Variants in ZC3H13 observed in about 807,000 individuals in gnomAD.
The protein encoded by ZC3H13 is zinc finger CCCH domain-containing protein 13.
A neutral mutation model predicts 204.1 loss-of-function variants in ZC3H13; 64 were observed. That is an observed-to-expected ratio of 0.31 (90% confidence interval 0.26 to 0.39). ZC3H13 has a LOEUF of 0.39. ZC3H13 is among the 10% of genes least tolerant of loss of function. The pLI is 1.00. For synonymous variants in ZC3H13, 667 were observed against 693.7 expected, an observed-to-expected ratio of 0.96 and a Z score of 0.60; for missense variants, 1,833 against 2,082.7, an observed-to-expected ratio of 0.88 and a Z score of 2.33.
At chr13:46,011,641 C>T (rs868013203) in intron 5 of ZC3H13, 87 bp from the exon 6 acceptor site, 8 of 1,073,046 alleles carry the variant, frequency 7.5e-6, no homozygotes, top group Non-Finnish European at 2.6e-6. Context: ...TAATTTCTTA[C>T]ACAAATCTAA....
intron 4 of ZC3H13, among the ~76,000 whole-genome samples, chr13:46,041,442 G>A (rs1003258874): frequency 2.6e-5 from 4 of 152,088 alleles, no homozygotes; most frequent in Admixed American, 2.6e-4. Context: ...CTGCTGAAAA[G>A]TTTGGCGTTT....
intron 5 of ZC3H13, among the ~76,000 whole-genome samples, chr13:46,019,483 G>A (rs760784900): frequency 6.6e-6 from 1 of 152,080 alleles, no homozygotes; most frequent in Non-Finnish European, 1.5e-5. Flanking sequence ...TGTAAGTAGA[G>A]TAACAAAGCT....
intron 9 of ZC3H13, among the ~76,000 whole-genome samples, chr13:45,987,397 A>C (rs571995511): frequency 1.3e-5 from 2 of 152,324 alleles, no homozygotes; most frequent in Admixed American, 1.3e-4. Flanking sequence ...GTAGTCATTA[A>C]ATATGTACTA....
At chr13:45,994,498 T>G (rs184955810) in intron 8 of ZC3H13, among the ~76,000 whole-genome samples, 5 of 152,324 alleles carry the variant, frequency 3.3e-5, no homozygotes, top group Admixed American at 3.3e-4. Context: ...AACTAATACT[T>G]TTATGAAACG....
rs1555277663 is a variant in ZC3H13 at position 45,983,413 on chromosome 13, A to ATATATAT, written c.1720+1883_1720+1884insATATATA. On this transcript the variant is annotated intron_variant, in intron 10 of 18. Coordinates refer to ENST00000679008, the MANE Select transcript of ZC3H13 (RefSeq NM_001330564.2). ...AAGCCCCTTCTACTTATATATATAT[A>ATATATAT]TTTTTTTTTTTTTTTTTTTTTTTTT... Among the ~76,000 whole-genome samples, 16 of 31,140 alleles carry ATATATAT rather than the reference A, an allele frequency of 5.1e-4. 1 individual carries two copies. The highest frequency in any genetic ancestry group is 2.1e-3 in the South Asian group (2 of 966). The allele number at this position is 31,140 out of a possible 152,430, so 20.4% of individuals were successfully genotyped here.
intron 1 of ZC3H13, among the ~76,000 whole-genome samples, chr13:46,049,899 T>C (rs1346205254): frequency 1.3e-5 from 2 of 152,176 alleles, no homozygotes; most frequent in African/African-American, 2.4e-5. Flanking sequence ...ACTTACTAAT[T>C]TACTCTTCTA....
chr13:46,027,474 C>T (rs552404416), intron 4 of ZC3H13, among the ~76,000 whole-genome samples: 17 of 152,232 alleles, frequency 1.1e-4, no homozygotes, highest in African/African-American at 4.1e-4. Context: ...ACATGAAAAA[C>T]GGCTGAAATT....
intron 4 of ZC3H13, among the ~76,000 whole-genome samples, chr13:46,022,373 TA>T (rs1340784563): frequency 6.6e-6 from 1 of 151,952 alleles, no homozygotes; most frequent in Non-Finnish European, 1.5e-5. Flanking sequence ...AAAAATACCT[TA>T]TTTCCTAATT....
intron 7 of ZC3H13, among the ~76,000 whole-genome samples, chr13:46,003,769 T>C (rs1340321852): frequency 1.3e-5 from 2 of 152,216 alleles, no homozygotes; most frequent in African/African-American, 4.8e-5. Context: ...TTTCTCTGTC[T>C]ATTCATTTAA....
intron 1 of ZC3H13, among the ~76,000 whole-genome samples, chr13:46,045,810 A>T (rs1458087871): frequency 2.6e-5 from 4 of 152,220 alleles, no homozygotes. Flanking sequence ...TTTTCATAGT[A>T]CAATCAACCT....
intron 14 of ZC3H13, 143 bp from the exon 15 acceptor site, chr13:45,968,171 G>A: frequency 2.9e-6 from 2 of 689,284 alleles, no homozygotes; most frequent in Non-Finnish European, 4.4e-6. Context: ...GTCTCTATAT[G>A]TTCTATATAT....
chr13:45,975,667 C>A lies in ZC3H13; in HGVS notation c.2084G>T (p.Arg695Leu). Residue 695 changes from arginine to leucine, a missense_variant, in exon 12 of 19, where the codon CGT becomes CTT. Physicochemically the swap from Arg to Leu is moderately radical, Grantham distance 102. Transcript: ENST00000679008. ...RDRERERERE[R>L]ERDREREKER... ...TTTTTCTCTTTCCCGATCCCGTTCACGTTCCCTCTCTCTCTCCCGCTCCCT... is the reference window on the plus strand; with the variant it reads ...TTTTTCTCTTTCCCGATCCCGTTCAAGTTCCCTCTCTCTCTCCCGCTCCCT... The A allele has an allele frequency of 6.2e-7, 1 of 1,609,966 alleles. No homozygotes were observed. The highest frequency in any genetic ancestry group is 1.1e-5 in the South Asian group (1 of 90,606).
In ZC3H13 at chr13:46,042,234, T is replaced by C; in HGVS notation, c.269A>G (p.Lys90Arg). ...AGTGTCCACGTCTTGGCGCTTGTTC[T>C]TCATTCTTTCTCTAAGATCCCCTGT... ...RPTGDLRERM[K>R]NKRQDVDTEP... is the part of the protein sequence containing the mutation. The change falls in exon 4 of 19, where the codon AAG (lysine) becomes AGG (arginine). Residue 90 changes from lysine (K) to arginine (R), a missense_variant. Physicochemically the swap from Lys to Arg is conservative, Grantham distance 26. Transcript: ENST00000679008. The C allele has an allele frequency of 6.2e-7, 1 of 1,613,470 alleles. No individual in the cohort carries two copies. The highest frequency in any genetic ancestry group is 8.5e-7 in the Non-Finnish European group (1 of 1,179,468).
intron 7 of ZC3H13, among the ~76,000 whole-genome samples, chr13:46,006,013 T>C (rs2041117090): frequency 6.6e-6 from 1 of 151,246 alleles, no homozygotes; most frequent in Non-Finnish European, 1.5e-5. Context: ...AAGAACCGCT[T>C]GAACCCAGGA....
chr13:45,995,125 C>T (rs771912738), intron 8 of ZC3H13, among the ~76,000 whole-genome samples: 10 of 151,992 alleles, frequency 6.6e-5, no homozygotes, highest in Non-Finnish European at 1.5e-4. Flanking sequence ...CACAGCCCTA[C>T]ATTCTTTACA....
intron 8 of ZC3H13, among the ~76,000 whole-genome samples, chr13:45,993,475 T>C (rs911686813): frequency 6.6e-6 from 1 of 152,046 alleles, no homozygotes; most frequent in Non-Finnish European, 1.5e-5. Flanking sequence ...TGTATAAGAA[T>C]AGAAAGAAGC....
chr13:45,971,954 T>A (rs1020062459), intron 12 of ZC3H13, among the ~76,000 whole-genome samples: 4 of 151,996 alleles, frequency 2.6e-5, no homozygotes, highest in Non-Finnish European at 5.9e-5. Flanking sequence ...CACAATGAGA[T>A]GCCACCTTAC....
intron 8 of ZC3H13, among the ~76,000 whole-genome samples, chr13:45,999,272 G>T (rs1357588258): frequency 6.6e-6 from 1 of 152,054 alleles, no homozygotes; most frequent in Non-Finnish European, 1.5e-5. Context: ...CTTAAGCCTG[G>T]GTTACAGTGA....
chr13:46,045,135 T>C (rs376808683), intron 2 of ZC3H13, 71 bp from the exon 3 acceptor site: 3 of 1,344,286 alleles, frequency 2.2e-6, no homozygotes, highest in East Asian at 2.4e-5. Flanking sequence ...CGGGACAAAA[T>C]TAAAACAAAT....
Sources: allele counts gnomAD v4.1 joint callset (sites outside exome capture counted in the v4.1 genomes callset), GRCh38; gene constraint gnomAD v4.1.1; transcripts MANE v1.5; gene names NCBI Gene and HGNC (gene_info 2026-07-23, HGNC 2026-07-21).